Variants in ELP4 observed in about 807,000 individuals in gnomAD.
The protein encoded by ELP4 is elongator complex protein 4.
Under a neutral mutation model 48.9 loss-of-function variants are expected in ELP4, and 51 were observed. That is an observed-to-expected ratio of 1.04 (90% CI 0.83 to 1.32). ELP4 has a LOEUF of 1.32. Ranked by LOEUF, ELP4 falls within the 40% of genes most tolerant of loss-of-function variation. The probability of loss-of-function intolerance (pLI) is 0.00; values close to 1 mark genes in which losing one functional copy is unlikely to be tolerated. For synonymous variants in ELP4, 210 were observed against 189.2 expected (o/e 1.11, Z -0.90); for missense variants, 519 against 514.6 (o/e 1.01, Z -0.08).
At chr11:31,592,144 G>A (rs1316429246) in intron 3 of ELP4, among the ~76,000 whole-genome samples, 1 of 152,160 alleles carries the variant, frequency 6.6e-6, no homozygotes, top group African/African-American at 2.4e-5. Context: ...GGGGACTGAT[G>A]AAGGTAGATA....
intron 9 of ELP4, among the ~76,000 whole-genome samples, chr11:31,735,285 G>A (rs1274812646): frequency 6.6e-6 from 1 of 151,736 alleles, no homozygotes; most frequent in Non-Finnish European, 1.5e-5. Flanking sequence ...ACACCTAGAA[G>A]AAAATATAAG....
intron 5 of ELP4, among the ~76,000 whole-genome samples, chr11:31,617,459 T>G (rs948643076): frequency 6.6e-6 from 1 of 151,896 alleles, no homozygotes; most frequent in Admixed American, 6.6e-5. Context: ...TCTTGTTTCA[T>G]GGATAAGCAG....
chr11:31,718,149 A>G (rs1382783328), intron 9 of ELP4, among the ~76,000 whole-genome samples: 3 of 152,192 alleles, frequency 2.0e-5, no homozygotes, highest in African/African-American at 4.8e-5. Context: ...ATTTCTGAAT[A>G]TAGGCAAATA....
At position 31,755,171 on chromosome 11, in the gene ELP4, A is replaced by G. The variant is rs528174741; in HGVS notation, c.1144-28222A>G. ...AAGATAAAACAATTTGAGCAAGAAA[A>G]TAGTATTGTTTTTTAGCCCCTAAAA... On this transcript the variant is annotated intron_variant, in intron 9 of 9. Coordinates refer to ENST00000640961, the MANE Select transcript of ELP4 (RefSeq NM_019040.5). 3.3e-5 allele frequency among the ~76,000 whole-genome samples: 5 copies of G among 152,348 alleles called. No individual in the cohort carries two copies. The East Asian group carries it at 9.6e-4, about 29-fold the overall frequency.
chr11:31,556,977 C>A (rs1956940568), intron 3 of ELP4, among the ~76,000 whole-genome samples: 1 of 151,776 alleles, frequency 6.6e-6, no homozygotes, highest in Non-Finnish European at 1.5e-5. Context: ...GCTGAAACTT[C>A]CCACAATTAA....
intron 1 of ELP4, among the ~76,000 whole-genome samples, chr11:31,518,895 CAAAAAAAAA>C (rs34767268): frequency 1.5e-5 from 1 of 66,966 alleles, no homozygotes; most frequent in Admixed American, 1.5e-4. Context: ...GACTCTGTCT[CAAAAAAAAA>C]AAAAAAAAAA....
intron 9 of ELP4, among the ~76,000 whole-genome samples, chr11:31,681,007 C>A (rs1946040602): frequency 6.6e-6 from 1 of 151,988 alleles, no homozygotes; most frequent in Admixed American, 6.6e-5. Flanking sequence ...CCTTTATTAA[C>A]CTGAGGTTAA....
chr11:31,755,286 T>C lies in ELP4; in HGVS notation c.1144-28107T>C, dbSNP rs1215283588. On this transcript the variant is annotated intron_variant, in intron 9 of 9. Transcript: ENST00000640961. The stretch of plus-strand genomic sequence containing the variant: ...AGGAAAGAGGGAAATAGAGAATTGC[T>C]ATTAGGCAGATAACACAGTAATAAA... Among the ~76,000 whole-genome samples the C allele has an allele frequency of 2.0e-5, 3 of 152,216 alleles. No individual in the cohort carries two copies. In the East Asian group the frequency reaches 5.8e-4, roughly 29 times the overall value.
chr11:31,736,167 A>T (rs1321047684), intron 9 of ELP4, among the ~76,000 whole-genome samples: 2 of 152,128 alleles, frequency 1.3e-5, no homozygotes, highest in African/African-American at 2.4e-5. Flanking sequence ...TCAGAAATAA[A>T]GCCGCATATC....
At chr11:31,532,064 A>G (rs996704499) in intron 2 of ELP4, among the ~76,000 whole-genome samples, 2 of 152,242 alleles carry the variant, frequency 1.3e-5, no homozygotes, top group African/African-American at 4.8e-5. Context: ...TGATTTAAGT[A>G]TTTAAATCTT....
intron 3 of ELP4, chr11:31,580,870 C>T (rs1457470057): frequency 1.3e-5 from 2 of 152,112 alleles, no homozygotes; most frequent in African/African-American, 4.8e-5. Flanking sequence ...TACCATGTTG[C>T]CAAGGCTGGT....
At chr11:31,736,857 A>G (rs1221281140) in intron 9 of ELP4, among the ~76,000 whole-genome samples, 1 of 152,210 alleles carries the variant, frequency 6.6e-6, no homozygotes, top group Non-Finnish European at 1.5e-5. Context: ...GAATACTTTT[A>G]CACTGTTGGT....
chr11:31,734,371 G>A (rs1947258263), intron 9 of ELP4, among the ~76,000 whole-genome samples: 1 of 152,042 alleles, frequency 6.6e-6, no homozygotes, highest in Admixed American at 6.6e-5. Flanking sequence ...AGAACAACTA[G>A]GCAATAGAAA....
intron 3 of ELP4, among the ~76,000 whole-genome samples, chr11:31,552,798 T>A (rs2996467): frequency 2.0e-5 from 3 of 152,020 alleles, no homozygotes; most frequent in South Asian, 2.1e-4. Flanking sequence ...GCCACAGTCC[T>A]TATAAGGACT....
chr11:31,646,827 A>C lies in ELP4; in HGVS notation c.928-914A>C, dbSNP rs1484253832. 3 of 151,462 alleles carry C rather than the reference A, an allele frequency of 2.0e-5. No homozygotes were observed. The East Asian group carries it at 5.9e-4, about 30-fold the overall frequency. 9.4% of individuals were successfully genotyped at this position (151,462 alleles called of 1,614,324 possible). ...TATAATCACAGTTTTCTAATCTACC[A>C]CCCTGTCAGGGGCTAAAAGGAATAC... On this transcript the variant is annotated intron_variant, in intron 7 of 9. Transcript: ENST00000640961.
intron 9 of ELP4, among the ~76,000 whole-genome samples, chr11:31,702,672 A>G (rs1946551022): frequency 6.6e-6 from 1 of 152,132 alleles, no homozygotes; most frequent in African/African-American, 2.4e-5. Context: ...TAACCTTAAC[A>G]TATACTATTA....
At chr11:31,721,407 A>G (rs1946955558) in intron 9 of ELP4, among the ~76,000 whole-genome samples, 1 of 152,212 alleles carries the variant, frequency 6.6e-6, no homozygotes, top group Non-Finnish European at 1.5e-5. Context: ...AATATAACAT[A>G]GGTTCTAGCC....
At chr11:31,778,102 A>G (rs993131672) in intron 9 of ELP4, among the ~76,000 whole-genome samples, 2 of 152,168 alleles carry the variant, frequency 1.3e-5, no homozygotes, top group African/African-American at 4.8e-5. Flanking sequence ...ATCTTCTGAC[A>G]TTTCCTTTAT....
At chr11:31,582,737 C>T (rs1282873002) in intron 3 of ELP4, among the ~76,000 whole-genome samples, 7 of 152,096 alleles carry the variant, frequency 4.6e-5, no homozygotes, top group Non-Finnish European at 1.0e-4. Context: ...TTACTGTGAG[C>T]TTATGTAAAA....
Sources: allele counts gnomAD v4.1 joint callset (sites outside exome capture counted in the v4.1 genomes callset), GRCh38; gene constraint gnomAD v4.1.1; transcripts MANE v1.5; gene names NCBI Gene and HGNC (gene_info 2026-07-23, HGNC 2026-07-21).